Variants in KDM2B observed in about 807,000 individuals in gnomAD.
KDM2B encodes the protein lysine demethylase 2B, also known as lysine-specific demethylase 2B.
Under a neutral mutation model 150.0 loss-of-function variants are expected in KDM2B, and 26 were observed. The observed-to-expected ratio is 0.17, with a 90% CI of 0.13 to 0.24. The LOEUF (loss-of-function observed/expected upper bound fraction) is 0.24, where lower values mean the gene tolerates loss of function less well. KDM2B is among the 10% of genes least tolerant of loss of function. The probability of loss-of-function intolerance (pLI) is 1.00; values close to 1 mark genes in which losing one functional copy is unlikely to be tolerated. For synonymous variants in KDM2B, 734 were observed against 729.5 expected, an observed-to-expected ratio of 1.01 and a Z score of -0.10; for missense variants, 1,265 against 1,816.9, an observed-to-expected ratio of 0.70 and a Z score of 5.52.
chr12:121,441,510 C>A (rs914312664), intron 19 of KDM2B, among the ~76,000 whole-genome samples: 23 of 152,296 alleles, frequency 1.5e-4, no homozygotes, highest in Middle Eastern at 3.4e-3. Flanking sequence ...AATCTCTGCT[C>A]ACCACAACCT....
chr12:121,550,351 A>G (rs939093891), intron 4 of KDM2B, among the ~76,000 whole-genome samples: 29 of 152,024 alleles, frequency 1.9e-4, no homozygotes, highest in African/African-American at 7.0e-4. Flanking sequence ...ATAAACATAT[A>G]AACAAGAAAA....
At chr12:121,551,559 T>C (rs187837444) in intron 4 of KDM2B, among the ~76,000 whole-genome samples, 20 of 152,092 alleles carry the variant, frequency 1.3e-4, no homozygotes, top group African/African-American at 4.8e-4. Flanking sequence ...TTTGTTTGGT[T>C]GGTTGGTTTT....
intron 6 of KDM2B, among the ~76,000 whole-genome samples, chr12:121,536,922 C>T (rs1227363313): frequency 6.6e-6 from 1 of 152,206 alleles, no homozygotes; most frequent in Non-Finnish European, 1.5e-5. Flanking sequence ...CCCGCAACCC[C>T]GACCTCCCCA....
intron 3 of KDM2B, among the ~76,000 whole-genome samples, 162 bp from the exon 4 acceptor site, chr12:121,574,755 G>A (rs1195622106): frequency 6.6e-6 from 1 of 152,162 alleles, no homozygotes; most frequent in East Asian, 1.9e-4. Context: ...ACCAGTTGAT[G>A]CCTCCAGGGA....
intron 4 of KDM2B, among the ~76,000 whole-genome samples, chr12:121,560,482 G>T (rs1036792637): frequency 6.6e-6 from 1 of 152,114 alleles, no homozygotes; most frequent in Admixed American, 6.6e-5. Flanking sequence ...GGAGGTGGGT[G>T]GGGGGTGCTC....
At chr12:121,489,265 A>T (rs1331985514) in intron 12 of KDM2B, among the ~76,000 whole-genome samples, 6 of 150,860 alleles carry the variant, frequency 4.0e-5, no homozygotes, top group South Asian at 4.2e-4. Flanking sequence ...TATTTTATTT[A>T]TTTTATTTAT....
At chr12:121,494,745 A>C in intron 11 of KDM2B, 80 bp from the exon 12 acceptor site, 1 of 1,068,102 alleles carries the variant, frequency 9.4e-7, no homozygotes, top group South Asian at 1.6e-5. Flanking sequence ...GACATAGTCC[A>C]GCAAGGATCA....
At chr12:121,551,848 C>T (rs1030495159) in intron 4 of KDM2B, among the ~76,000 whole-genome samples, 10 of 152,000 alleles carry the variant, frequency 6.6e-5, no homozygotes, top group African/African-American at 2.4e-4. Context: ...CCACCGCGCC[C>T]AGCATGACAG....
At chr12:121,423,407 A>G in the KDM2B span, 3 of 1,609,196 alleles carry the variant, frequency 1.9e-6, no homozygotes, top group Non-Finnish European at 1.7e-6. This position sits in a 1 kb window ranked among gnomAD's most constrained non-coding sequence, Gnocchi z 4.3. Context: ...CTGCAGCTGC[A>G]GGATGAGGAA....
intron 22 of KDM2B, among the ~76,000 whole-genome samples, chr12:121,437,593 A>G (rs191016155): frequency 1.3e-5 from 2 of 152,352 alleles, no homozygotes; most frequent in East Asian, 3.9e-4. Flanking sequence ...ACACTGGAAG[A>G]AAGAATTCAA....
intron 4 of KDM2B, among the ~76,000 whole-genome samples, chr12:121,572,822 A>ATTTTT (rs33946368): frequency 1.0e-5 from 1 of 100,200 alleles, no homozygotes; most frequent in Non-Finnish European, 2.0e-5. Flanking sequence ...ACCTGGATAA[A>ATTTTT]TTTTTTTTTT....
At chr12:121,418,478 G>T in the KDM2B span, 2 of 152,580 alleles carry the variant, frequency 1.3e-5, no homozygotes, top group African/African-American at 2.4e-5. Flanking sequence ...TTACTTGTAC[G>T]TGAGTGATTC....
chr12:121,575,886 G>A lies in KDM2B; in HGVS notation c.272-27C>T, dbSNP rs782327405. ...TGTTTGGATATTTGAATTAAAACAA[G>A]TTGGTTAAGTCACGAAGGAGCAAAT... On this transcript the variant is annotated intron_variant, in intron 2 of 22. Transcript: ENST00000377071. The surrounding 1 kb of genome is among the most constrained non-coding windows in gnomAD (Gnocchi z 4.4). 1.9e-6 allele frequency: 3 copies of A among 1,561,500 alleles called. No homozygotes were observed. The highest frequency in any genetic ancestry group is 1.7e-4 in the Middle Eastern group (1 of 5,968).
chr12:121,478,866 T>TTGTGTGTG (rs71874668), intron 12 of KDM2B, among the ~76,000 whole-genome samples: 73 of 131,214 alleles, frequency 5.6e-4, no homozygotes, highest in African/African-American at 2.0e-3. Flanking sequence ...TTTTGTTTGT[T>TTGTGTGTG]TGTGTGTGTG....
chr12:121,444,515 C>T lies in KDM2B; in HGVS notation c.2125G>A (p.Val709Ile), dbSNP rs1566269740. ...CAGCAGTTTGGAAGCTCGTCGTTGA[C>T]CACACCCTCTGACTCCTTAATCTGC... ...CLKIKESEGV[V>I]NDELPNCWEC... Residue 709 changes from valine to isoleucine, a missense_variant, in exon 15 of 23, where the codon GTC becomes ATC. By Grantham distance (29) the Val-to-Ile change is conservative. This residue lies in a region of KDM2B where 38 missense variants were observed against 98.1 expected (regional missense o/e 0.39). Transcript: ENST00000377071. The T allele has an allele frequency of 3.7e-6, 6 of 1,614,168 alleles. No homozygotes were observed. Among genetic ancestry groups the T allele is most frequent in the Non-Finnish European group, 5.1e-6 (6 of 1,180,016 alleles).
chr12:121,487,663 GTAGAGAACCCCA>G (rs1882909770), intron 12 of KDM2B, among the ~76,000 whole-genome samples: 2 of 152,054 alleles, frequency 1.3e-5, no homozygotes, highest in Admixed American at 6.6e-5. Context: ...CCCTGACCCA[GTAGAGAACCCCA>G]TGGTCTCAGT....
rs566611721 is a variant in KDM2B at position 121,465,639 on chromosome 12, T to A, written c.1735-12295A>T. ...GTCTTGCAGTGTCAAAGATTGTATC[T>A]ACAGGCCATAGGGTATGACCAAATT... On this transcript the variant is annotated intron_variant, in intron 12 of 22. Coordinates refer to ENST00000377071, the MANE Select transcript of KDM2B (RefSeq NM_032590.5). Among the ~76,000 whole-genome samples, 6 of 152,240 alleles carry A rather than the reference T, an allele frequency of 3.9e-5. No homozygotes were observed. In the East Asian group the frequency reaches 1.2e-3, roughly 29 times the overall value.
the KDM2B span, among the ~76,000 whole-genome samples, chr12:121,409,007 G>A: frequency 6.6e-6 from 1 of 151,196 alleles, no homozygotes; most frequent in African/African-American, 2.4e-5. Flanking sequence ...AGTCTTGCTC[G>A]GTCACCCAGG....
rs1875438606 is a variant in KDM2B at position 121,443,022 on chromosome 12, A to G, written c.2574T>C (p.Pro858=). ...SLTYFQQQLK[P]GKEDKLFRKK... is the part of the protein sequence containing the mutation. The stretch of plus-strand genomic sequence containing the variant: ...TCCTGAAAAGCTTATCTTCTTTGCC[A>G]GGTTTGAGCTGTCACGAAAAAGAAA... Residue 858 remains proline, a synonymous_variant, in exon 18 of 23, where the codon CCT becomes CCC. Coordinates refer to ENST00000377071, the MANE Select transcript of KDM2B (RefSeq NM_032590.5). 1.2e-6 allele frequency: 2 copies of G among 1,612,886 alleles called. No homozygotes were observed. Among genetic ancestry groups the G allele is most frequent in the East Asian group, 4.5e-5 (2 of 44,818 alleles).
Sources: allele counts gnomAD v4.1 joint callset (sites outside exome capture counted in the v4.1 genomes callset), GRCh38; gene constraint gnomAD v4.1.1; regional missense constraint gnomAD v4.1.1; non-coding constraint Gnocchi (gnomAD v3.1); transcripts MANE v1.5; gene names NCBI Gene and HGNC (gene_info 2026-07-23, HGNC 2026-07-21).